Variants in MYLK observed in about 807,000 individuals in gnomAD.
The protein encoded by MYLK is myosin light chain kinase.
In MYLK, 106 loss-of-function variants were observed where a neutral mutation model predicts 203.4. The observed-to-expected ratio is 0.52, with a 90% CI of 0.45 to 0.61. The LOEUF (loss-of-function observed/expected upper bound fraction) is 0.61. Among genes scored for constraint, MYLK ranks in the 20% least tolerant of loss-of-function variants. MYLK has a pLI of 0.00. For missense variants in MYLK, 2,072 were observed against 2,442.3 expected, an observed-to-expected ratio of 0.85 and a Z score of 3.20; for synonymous variants, 867 against 959.5, an observed-to-expected ratio of 0.90 and a Z score of 1.78.
chr3:123,730,610 G>C (rs553269630), intron 11 of MYLK, among the ~76,000 whole-genome samples: 1 of 152,330 alleles, frequency 6.6e-6, no homozygotes, highest in South Asian at 2.1e-4. Flanking sequence ...CTACAACACA[G>C]ATGAACCCTG....
chr3:123,679,210 G>A (rs1284204958), intron 20 of MYLK, among the ~76,000 whole-genome samples: 2 of 151,910 alleles, frequency 1.3e-5, no homozygotes, highest in Admixed American at 1.3e-4. Context: ...GGCAGGCTGA[G>A]GCAGGAGAAT....
At chr3:123,701,237 C>CAAAA (rs35577296) in intron 17 of MYLK, among the ~76,000 whole-genome samples, 6 of 116,190 alleles carry the variant, frequency 5.2e-5, no homozygotes, top group South Asian at 5.4e-4. Context: ...AGGGTGTGTG[C>CAAAA]AAAAAAAAAA....
intron 32 of MYLK, among the ~76,000 whole-genome samples, 153 bp downstream of exon 32, chr3:123,620,054 T>G (rs1324983044): frequency 1.3e-5 from 2 of 151,832 alleles, no homozygotes; most frequent in South Asian, 2.1e-4. Flanking sequence ...GACTTAGTAA[T>G]TGTCAGGGCA....
Position 123,638,651 on chromosome 3 carries a change from G to A in MYLK, c.4838-457C>T, listed in dbSNP as rs192073270. The A allele has an allele frequency of 1.5e-5, 9 of 597,724 alleles. No individual in the cohort carries two copies. In the East Asian group the frequency reaches 1.1e-3, roughly 75 times the overall value. The allele number at this position is 597,724 out of a possible 1,614,324, so 37.0% of individuals were successfully genotyped here. A position where few individuals can be genotyped will look rare whatever the true frequency, so the allele number is the denominator to read the frequency against. On this transcript the variant is annotated intron_variant, in intron 28 of 33. Transcript: ENST00000360304. ...GAACATGAGTGAGGCCCAGGGAAGT[G>A]CAGTGATTTCCCCACCCGGTTAACA... is the stretch of plus-strand genomic sequence containing the variant.
intron 4 of MYLK, among the ~76,000 whole-genome samples, chr3:123,764,458 G>T (rs746456251): frequency 6.6e-6 from 1 of 152,196 alleles, no homozygotes; most frequent in Non-Finnish European, 1.5e-5. Context: ...TTGCTGCTTT[G>T]GTGGTGTGGG....
rs1003806879 is a variant in MYLK, at chr3:123,640,144, G to A, written c.4837+143C>T. 1 of 759,114 alleles carries A rather than the reference G, an allele frequency of 1.3e-6. No homozygotes were observed. Among genetic ancestry groups the A allele is most frequent in the Non-Finnish European group, 2.3e-6 (1 of 438,824 alleles). The allele number at this position is 759,114 out of a possible 1,614,324, so 47.0% of individuals were successfully genotyped here. A position where few individuals can be genotyped will look rare whatever the true frequency, so the allele number is the denominator to read the frequency against. ...GGCTTACTGTCACGTCTAGTATGTG[G>A]TAGGGGCAGGATTCAAACCTGGGAA... On this transcript the variant is annotated intron_variant, in intron 28 of 33. Coordinates refer to ENST00000360304, the MANE Select transcript of MYLK (RefSeq NM_053025.4). This position sits in a 1 kb window ranked among gnomAD's most constrained non-coding sequence, Gnocchi z 4.3.
In MYLK at chr3:123,613,256, A is replaced by G. The variant is rs754076104; in HGVS notation, c.*849T>C. On this transcript the variant is annotated 3_prime_UTR_variant, in exon 34 of 34. Coordinates refer to ENST00000360304, the MANE Select transcript of MYLK (RefSeq NM_053025.4). ...ATTTCTCCTATATTCAAACACAAAA[A>G]TCTTTACCACACGTTCAGAGCTGAT... 6 of 152,200 alleles carry G rather than the reference A, an allele frequency of 3.9e-5. No homozygotes were observed. Among genetic ancestry groups the G allele is most frequent in the Non-Finnish European group, 8.8e-5 (6 of 68,032 alleles). The allele number at this position is 152,200 out of a possible 1,614,324, so 9.4% of individuals were successfully genotyped here.
chr3:123,861,150 A>C (rs6801258), intron 2 of MYLK, among the ~76,000 whole-genome samples: 2,161 of 152,188 alleles, frequency 0.014, 53 homozygotes, highest in African/African-American at 0.048. Flanking sequence ...CAAAAAACAA[A>C]AAAAAAAAAC....
In MYLK at chr3:123,629,895, G is replaced by C. The variant is rs777397299; in HGVS notation, c.4962-269C>G. 1.6e-5 allele frequency: 8 copies of C among 497,270 alleles called. No individual in the cohort carries two copies. Among genetic ancestry groups the C allele is most frequent in the Non-Finnish European group, 2.9e-5 (8 of 272,150 alleles). 30.8% of individuals were successfully genotyped at this position (497,270 alleles called of 1,614,324 possible). A position where few individuals can be genotyped will look rare whatever the true frequency, so the allele number is the denominator to read the frequency against. On this transcript the variant is annotated intron_variant, in intron 29 of 33. Transcript: ENST00000360304. The surrounding 1 kb of genome is among the most constrained non-coding windows in gnomAD (Gnocchi z 4.4). The stretch of plus-strand genomic sequence containing the variant: ...TGGCTTTAGATTACGGGCTTCTGCA[G>C]GGTACGCGGCAGGGCTGATAAGTCC...
chr3:123,745,539 C>G (rs2062988867), intron 5 of MYLK, among the ~76,000 whole-genome samples: 1 of 152,192 alleles, frequency 6.6e-6, no homozygotes, highest in Non-Finnish European at 1.5e-5. Flanking sequence ...TTTTAAGGCT[C>G]AGATATTATT....
At chr3:123,824,093 T>TA (rs1269940527) in intron 3 of MYLK, among the ~76,000 whole-genome samples, 2 of 128,752 alleles carry the variant, frequency 1.6e-5, no homozygotes, top group African/African-American at 2.7e-5. Context: ...TTATTGTTTC[T>TA]TTTTTTTTTT....
chr3:123,674,240 C>T (rs1309544422), intron 20 of MYLK, among the ~76,000 whole-genome samples: 3 of 152,170 alleles, frequency 2.0e-5, no homozygotes, highest in Admixed American at 1.3e-4. Context: ...CTGTTGTCTA[C>T]ACCAACTAAG....
intron 12 of MYLK, 69 bp downstream of exon 12, chr3:123,725,875 A>C: frequency 6.3e-7 from 1 of 1,579,096 alleles, no homozygotes; most frequent in Non-Finnish European, 8.6e-7. Flanking sequence ...CAGAGGGATA[A>C]GTGAGAATTC....
chr3:123,881,855 C>T (rs1343362228), intron 1 of MYLK, among the ~76,000 whole-genome samples: 1 of 152,190 alleles, frequency 6.6e-6, no homozygotes, highest in Non-Finnish European at 1.5e-5. Flanking sequence ...ACCCTTGGAA[C>T]TCAAAGGCCT....
intron 4 of MYLK, among the ~76,000 whole-genome samples, chr3:123,772,784 G>A (rs1021160810): frequency 2.0e-5 from 3 of 151,868 alleles, no homozygotes; most frequent in Non-Finnish European, 2.9e-5. Context: ...TCAAACAAAC[G>A]TAAAATAAAA....
chr3:123,622,012 CTGTT>C (rs1298452215), intron 31 of MYLK: 2 of 152,228 alleles, frequency 1.3e-5, no homozygotes, highest in African/African-American at 4.8e-5. Flanking sequence ...CTGGTTCAAC[CTGTT>C]TGTTGTGCTA....
At chr3:123,731,187 A>C (rs999041188) in intron 11 of MYLK, among the ~76,000 whole-genome samples, 4 of 152,082 alleles carry the variant, frequency 2.6e-5, no homozygotes, top group African/African-American at 9.7e-5. Context: ...GCCTACCAGC[A>C]CTCCCACCTG....
chr3:123,673,597 C>T (rs1227945289), intron 20 of MYLK, among the ~76,000 whole-genome samples: 2 of 152,172 alleles, frequency 1.3e-5, no homozygotes, highest in Non-Finnish European at 2.9e-5. Flanking sequence ...TTCTTCTCCC[C>T]AGTCCAGGTC....
At chr3:123,746,237 C>T (rs2063011868) in intron 5 of MYLK, among the ~76,000 whole-genome samples, 1 of 152,096 alleles carries the variant, frequency 6.6e-6, no homozygotes, top group East Asian at 1.9e-4. Flanking sequence ...GTAGCCACAG[C>T]TTCTCAGGAG....
Sources: allele counts gnomAD v4.1 joint callset (sites outside exome capture counted in the v4.1 genomes callset), GRCh38; gene constraint gnomAD v4.1.1; non-coding constraint Gnocchi (gnomAD v3.1); transcripts MANE v1.5; gene names NCBI Gene and HGNC (gene_info 2026-07-23, HGNC 2026-07-21).